Variants in CEP41 observed in about 807,000 individuals in gnomAD.
CEP41 encodes the protein centrosomal protein of 41 kDa.
Under a neutral mutation model 44.3 loss-of-function variants are expected in CEP41, and 32 were observed. That is an observed-to-expected ratio of 0.72 (90% CI 0.54 to 0.97). CEP41 has a LOEUF of 0.97. Among genes scored for constraint, CEP41 ranks in the 50% least tolerant of loss-of-function variants. CEP41 has a pLI of 0.00. For synonymous variants in CEP41, 151 were observed against 168.5 expected, an observed-to-expected ratio of 0.90 and a Z score of 0.80; for missense variants, 432 against 455.2, an observed-to-expected ratio of 0.95 and a Z score of 0.46.
intron 6 of CEP41, among the ~76,000 whole-genome samples, chr7:130,404,036 T>A (rs1796932851): frequency 1.3e-5 from 2 of 152,304 alleles, no homozygotes; most frequent in South Asian, 4.1e-4. Context: ...AAAGTCCATG[T>A]AATCCTTGGA....
rs782802041 is a variant in CEP41, at chr7:130,396,666, G to A, written c.*2225C>T. On this transcript the variant is annotated 3_prime_UTR_variant, in exon 11 of 11. Coordinates refer to ENST00000223208, the MANE Select transcript of CEP41 (RefSeq NM_018718.3). ...ATGTTAAAAGCAATACCTCGAGCACGTAAAGAATGTTTGATATTAACACTT... is the reference window on the plus strand; with the variant it reads ...ATGTTAAAAGCAATACCTCGAGCACATAAAGAATGTTTGATATTAACACTT... 6.4e-5 allele frequency: 29 copies of A among 454,418 alleles called. No individual in the cohort carries two copies. The highest frequency in any genetic ancestry group is 1.2e-4 in the Non-Finnish European group (27 of 226,800). 28.1% of individuals were successfully genotyped at this position (454,418 alleles called of 1,614,324 possible).
upstream of CEP41, chr7:130,441,275 G>C: frequency 2.1e-6 from 1 of 466,660 alleles, no homozygotes; most frequent in East Asian, 4.1e-5. Flanking sequence ...GGGAAGGCTG[G>C]CGCCTGCGCA....
At chr7:130,435,909 C>G (rs1480849628) in intron 1 of CEP41, among the ~76,000 whole-genome samples, 3 of 152,174 alleles carry the variant, frequency 2.0e-5, no homozygotes, top group Non-Finnish European at 4.4e-5. Flanking sequence ...AATCCCAGCA[C>G]TTTGGGAGGC....
At chr7:130,427,519 C>T (rs1797700571) in intron 2 of CEP41, among the ~76,000 whole-genome samples, 1 of 152,206 alleles carries the variant, frequency 6.6e-6, no homozygotes, top group South Asian at 2.1e-4. Context: ...AGCTTTACAT[C>T]TCTCATGGTC....
intron 2 of CEP41, among the ~76,000 whole-genome samples, chr7:130,427,524 A>T (rs1228261486): frequency 3.9e-5 from 6 of 152,192 alleles, no homozygotes; most frequent in African/African-American, 1.2e-4. Flanking sequence ...TACATCTCTC[A>T]TGGTCCATAA....
At chr7:130,402,463 T>C (rs1023605145) in intron 7 of CEP41, among the ~76,000 whole-genome samples, 185 bp downstream of exon 7, 4 of 152,094 alleles carry the variant, frequency 2.6e-5, no homozygotes, top group Non-Finnish European at 4.4e-5. Flanking sequence ...CAGCCATCTG[T>C]GAAAATCAGC....
At chr7:130,411,083 T>C in intron 5 of CEP41, 39 bp downstream of exon 5, 1 of 1,568,024 alleles carries the variant, frequency 6.4e-7, no homozygotes, top group Non-Finnish European at 8.8e-7. Flanking sequence ...AGTCAAATGG[T>C]CAGCCTGTTA....
At chr7:130,400,656 C>G in intron 9 of CEP41, 51 bp downstream of exon 9, 1 of 1,102,040 alleles carries the variant, frequency 9.1e-7, no homozygotes. Flanking sequence ...GCAGGTGGGA[C>G]TGAAGGATGA....
chr7:130,427,463 C>T (rs1797697908), intron 2 of CEP41, among the ~76,000 whole-genome samples: 1 of 152,086 alleles, frequency 6.6e-6, no homozygotes, highest in East Asian at 1.9e-4. Context: ...TCTGCCTCCG[C>T]TTGAATCTAA....
chr7:130,428,428 CAAA>C (rs67847969), intron 1 of CEP41, among the ~76,000 whole-genome samples: 5 of 38,082 alleles, frequency 1.3e-4, no homozygotes, highest in Non-Finnish European at 1.4e-4. Context: ...GACTCTGACT[CAAA>C]AAAAAAAAAA....
intron 1 of CEP41, among the ~76,000 whole-genome samples, chr7:130,438,531 C>G (rs1199657268): frequency 1.3e-5 from 2 of 151,982 alleles, no homozygotes; most frequent in Non-Finnish European, 2.9e-5. Context: ...TGCACTCCAG[C>G]CTGGGTGACA....
At chr7:130,439,614 T>C (rs1798079172) in intron 1 of CEP41, among the ~76,000 whole-genome samples, 1 of 152,208 alleles carries the variant, frequency 6.6e-6, no homozygotes, top group Non-Finnish European at 1.5e-5. Flanking sequence ...CACGTATAAG[T>C]GAGATCATGC....
At position 130,398,186 on chromosome 7, in the gene CEP41, C is replaced by G. The variant is rs782543502; in HGVS notation, c.*705G>C. ...CTTTCCCATGAGAGGCCCTCCTCCC[C>G]GGTGTGAAGACACCCACATGCATAC... On this transcript the variant is annotated 3_prime_UTR_variant, in exon 11 of 11. Transcript: ENST00000223208. The G allele has an allele frequency of 4.4e-6, 2 of 453,362 alleles. No individual in the cohort carries two copies. Among genetic ancestry groups the G allele is most frequent in the African/African-American group, 2.0e-5 (1 of 49,992 alleles). The allele number at this position is 453,362 out of a possible 1,614,324, so 28.1% of individuals were successfully genotyped here.
At chr7:130,424,291 T>C (rs1554422938) in intron 2 of CEP41, among the ~76,000 whole-genome samples, 1 of 151,718 alleles carries the variant, frequency 6.6e-6, no homozygotes, top group East Asian at 1.9e-4. Context: ...TCCCAGCTAC[T>C]TGGGAGGCTG....
At chr7:130,402,542 G>A (rs1452989044) in intron 7 of CEP41, 106 bp downstream of exon 7, 21 of 1,224,372 alleles carry the variant, frequency 1.7e-5, no homozygotes, top group Middle Eastern at 2.4e-4. Flanking sequence ...GCTAACATAC[G>A]GTTTCCTCAA....
intron 1 of CEP41, among the ~76,000 whole-genome samples, chr7:130,430,237 A>C (rs1437453803): frequency 6.6e-6 from 1 of 152,218 alleles, no homozygotes; most frequent in Admixed American, 6.5e-5. Flanking sequence ...ACAAAACCAA[A>C]GCAAAAGCCT....
intron 2 of CEP41, among the ~76,000 whole-genome samples, chr7:130,427,703 T>C (rs547718838): frequency 1.5e-3 from 226 of 152,352 alleles, no homozygotes; most frequent in African/African-American, 5.0e-3. Flanking sequence ...TGGTTTTGAT[T>C]TCTGGAATTT....
intron 2 of CEP41, chr7:130,419,214 G>A: frequency 1.0e-6 from 1 of 985,396 alleles, no homozygotes; most frequent in Non-Finnish European, 1.2e-6. Context: ...GACCAAATCT[G>A]AGAGGACTAC....
chr7:130,398,916 T>TG lies in CEP41; in HGVS notation c.1096dup (p.His366ProfsTer18). ...TTACTTCCAGGGTTTGCCTTGCAGG[T>TG]GACCACTGCTGAGGGAGCGGGGGTT... is the stretch of plus-strand genomic sequence containing the variant. On this transcript the variant is annotated frameshift_variant, in exon 11 of 11. Coordinates refer to ENST00000223208, the MANE Select transcript of CEP41 (RefSeq NM_018718.3). LOFTEE classifies it high-confidence loss of function. The TG allele has an allele frequency of 6.2e-7, 1 of 1,614,242 alleles. No individual in the cohort carries two copies. Among genetic ancestry groups the TG allele is most frequent in the Non-Finnish European group, 8.5e-7 (1 of 1,180,040 alleles).
Sources: allele counts gnomAD v4.1 joint callset (sites outside exome capture counted in the v4.1 genomes callset), GRCh38; gene constraint gnomAD v4.1.1; transcripts MANE v1.5; gene names NCBI Gene and HGNC (gene_info 2026-07-23, HGNC 2026-07-21).